The following PACC1 variants were observed in gnomAD, a reference collection of about 807,000 sequenced individuals.
PACC1 encodes proton-activated chloride channel.
In PACC1, 34 loss-of-function variants were observed where a neutral mutation model predicts 39.7. The observed-to-expected ratio is 0.86, with a 90% CI of 0.65 to 1.14. The LOEUF (loss-of-function observed/expected upper bound fraction) is 1.14. Among genes scored for constraint, PACC1 ranks in the 50% most tolerant of loss-of-function variants. PACC1 has a pLI of 0.00. For synonymous variants in PACC1, 127 were observed against 160.6 expected (o/e 0.79, Z 1.58); for missense variants, 379 against 436.4 (o/e 0.87, Z 1.17).
At chr1:212,372,051 G>A (rs1215591246) in intron 7 of PACC1, among the ~76,000 whole-genome samples, 3 of 152,030 alleles carry the variant, frequency 2.0e-5, no homozygotes, top group South Asian at 2.1e-4. Flanking sequence ...TTGGGAGGCC[G>A]AGGTGGGCAG....
intron 2 of PACC1, among the ~76,000 whole-genome samples, chr1:212,405,800 G>A (rs1307720160): frequency 6.6e-6 from 1 of 152,048 alleles, no homozygotes; most frequent in Non-Finnish European, 1.5e-5. Context: ...AGGACTAACC[G>A]TTCACCTCAC....
At chr1:212,378,693 C>A (rs1474256585) in intron 5 of PACC1, among the ~76,000 whole-genome samples, 1 of 152,190 alleles carries the variant, frequency 6.6e-6, no homozygotes, top group South Asian at 2.1e-4. Context: ...GGACATTCAT[C>A]ACTGTAAATC....
intron 2 of PACC1, among the ~76,000 whole-genome samples, chr1:212,408,563 T>A (rs968138955): frequency 1.3e-5 from 2 of 152,112 alleles, no homozygotes; most frequent in African/African-American, 4.8e-5. Context: ...GGTTTCACCA[T>A]GTTGGCCAGG....
At chr1:212,413,845 T>C in intron 1 of PACC1, 2 of 1,492,080 alleles carry the variant, frequency 1.3e-6, no homozygotes, top group Non-Finnish European at 1.8e-6. Flanking sequence ...TAACACAGTA[T>C]CGCACTCAGA....
intron 7 of PACC1, among the ~76,000 whole-genome samples, chr1:212,367,549 T>G (rs1660290594): frequency 6.6e-6 from 1 of 152,182 alleles, no homozygotes. Context: ...TAGACTAAAG[T>G]GGCCTTAGGC....
intron 2 of PACC1, among the ~76,000 whole-genome samples, chr1:212,391,215 C>T (rs1237735771): frequency 6.6e-6 from 1 of 152,308 alleles, no homozygotes; most frequent in South Asian, 2.1e-4. Context: ...TGACATCTCA[C>T]ACGGCCAGGT....
chr1:212,384,969 G>A (rs572086575), intron 4 of PACC1, among the ~76,000 whole-genome samples: 21 of 152,306 alleles, frequency 1.4e-4, no homozygotes, highest in South Asian at 4.1e-4. Context: ...GACCCACTTC[G>A]CTATATCGCA....
At chr1:212,387,256 C>T (rs1190198007) in intron 2 of PACC1, among the ~76,000 whole-genome samples, 156 bp from the exon 3 acceptor site, 1 of 152,082 alleles carries the variant, frequency 6.6e-6, no homozygotes, top group Non-Finnish European at 1.5e-5. Context: ...TAACAAAGGG[C>T]ACCTGTAAAC....
At position 212,375,217 on chromosome 1, in the gene PACC1, A is replaced by C; in HGVS notation, c.867T>G (p.Asp289Glu). ...CATCTTGGACTTTCTGGATGAAAGG[A>C]TCTTTCCATTCAAAGACCACAAAAA... ...QLFFVVFEWK[D>E]PFIQKVQDIV... The change falls in exon 7 of 8, where the codon GAT (aspartate) becomes GAG (glutamate). Residue 289 changes from aspartate to glutamate, a missense_variant. Transcript: ENST00000261455. 1 of 1,613,838 alleles carries C rather than the reference A, an allele frequency of 6.2e-7. No individual in the cohort carries two copies. The highest frequency in any genetic ancestry group is 1.1e-5 in the South Asian group (1 of 91,060).
At chr1:212,399,502 C>G (rs1222698334) in intron 2 of PACC1, among the ~76,000 whole-genome samples, 1 of 151,934 alleles carries the variant, frequency 6.6e-6, no homozygotes, top group African/African-American at 2.4e-5. Context: ...CACTCTGTCA[C>G]TCAGGCTGGA....
At chr1:212,373,991 G>C (rs1571632393) in intron 7 of PACC1, among the ~76,000 whole-genome samples, 1 of 149,036 alleles carries the variant, frequency 6.7e-6, no homozygotes, top group African/African-American at 2.5e-5. Flanking sequence ...ACTACCATAT[G>C]ATCCAGCAAT....
At chr1:212,367,083 C>A (rs1259214975) in intron 7 of PACC1, among the ~76,000 whole-genome samples, 1 of 152,128 alleles carries the variant, frequency 6.6e-6, no homozygotes, top group East Asian at 1.9e-4. Context: ...CCTCCCCTTC[C>A]AAGATCATGA....
chr1:212,414,864 C>G lies in PACC1; in HGVS notation c.-107G>C, dbSNP rs518793. 0.3 allele frequency: 451,239 copies of G among 1,480,186 alleles called. 72,139 individuals carry two copies. Among genetic ancestry groups the G allele is most frequent in the Non-Finnish European group, 0.34 (365,021 of 1,076,612 alleles). The allele number at this position is 1,480,186 out of a possible 1,614,324, so 91.7% of individuals were successfully genotyped here. A position where few individuals can be genotyped will look rare whatever the true frequency, so the allele number is the denominator to read the frequency against. On this transcript the variant is annotated 5_prime_UTR_variant, in exon 1 of 8. Transcript: ENST00000261455. ...ACCTACCGGCTCCGCGAGGCGAAACCGGTCCGGAGGGGCGTCCCAGAGACC... is the reference window on the plus strand; with the variant it reads ...ACCTACCGGCTCCGCGAGGCGAAACGGGTCCGGAGGGGCGTCCCAGAGACC...
intron 2 of PACC1, among the ~76,000 whole-genome samples, chr1:212,409,081 GA>G (rs1662030202): frequency 1.3e-5 from 2 of 152,176 alleles, no homozygotes; most frequent in South Asian, 4.1e-4. Flanking sequence ...TGCTCCTTAT[GA>G]AAATCTAACT....
chr1:212,365,928 C>G (rs1175801426), intron 7 of PACC1, among the ~76,000 whole-genome samples: 1 of 152,176 alleles, frequency 6.6e-6, no homozygotes, highest in Non-Finnish European at 1.5e-5. Context: ...TCCTCTTGTT[C>G]CCATCTCATA....
chr1:212,375,875 ACT>A lies in PACC1; in HGVS notation c.784-577_784-576del, dbSNP rs893207067. On this transcript the variant is annotated intron_variant, in intron 6 of 7. Coordinates refer to ENST00000261455, the MANE Select transcript of PACC1 (RefSeq NM_018252.3). ...ACTCTAGCCTGGGGGACAGAGCAAG[ACT>A]CTGTCTCCAAAAAAAATAAAATATT... 2.6e-5 allele frequency among the ~76,000 whole-genome samples: 4 copies of A among 152,070 alleles called. 1 individual carries two copies. Among genetic ancestry groups the A allele is most frequent in the South Asian group, 4.2e-4 (2 of 4,818 alleles).
rs368662897 is a variant in PACC1 at position 212,365,048 on chromosome 1, C to T, written c.*167G>A. On this transcript the variant is annotated 3_prime_UTR_variant, in exon 8 of 8. Coordinates refer to ENST00000261455, the MANE Select transcript of PACC1 (RefSeq NM_018252.3). ...TAGTCTCTTCTATTAGGCTCTACACCGCCTCTTTTGGGACGGGGTTAGAAG... is the reference window on the plus strand; with the variant it reads ...TAGTCTCTTCTATTAGGCTCTACACTGCCTCTTTTGGGACGGGGTTAGAAG... The T allele has an allele frequency of 4.4e-5, 23 of 523,928 alleles. No individual in the cohort carries two copies. Among genetic ancestry groups the T allele is most frequent in the East Asian group, 1.9e-4 (6 of 31,668 alleles). 32.5% of individuals were successfully genotyped at this position (523,928 alleles called of 1,614,324 possible).
chr1:212,393,287 C>G (rs1042268313), intron 2 of PACC1, among the ~76,000 whole-genome samples: 8 of 152,196 alleles, frequency 5.3e-5, no homozygotes, highest in African/African-American at 1.2e-4. Flanking sequence ...GAAACTCACT[C>G]AAAACCCCTC....
At chr1:212,377,361 T>A (rs549910531) in intron 6 of PACC1, among the ~76,000 whole-genome samples, 1 of 152,234 alleles carries the variant, frequency 6.6e-6, no homozygotes, top group South Asian at 2.1e-4. Flanking sequence ...CTGGCCGGTA[T>A]GTGCGCTGCC....
Sources: gnomAD v4.1 joint callset for allele counts (sites outside exome capture counted in the v4.1 genomes callset) on GRCh38, gnomAD v4.1.1 for gene constraint, MANE v1.5 for transcripts, NCBI Gene and HGNC (gene_info 2026-07-23, HGNC 2026-07-21) for gene names.